The following RERE variants were observed in gnomAD, a reference collection of about 807,000 sequenced individuals.
The protein encoded by RERE is arginine-glutamic acid dipeptide repeats protein.
In RERE, 40 loss-of-function variants were observed where a neutral mutation model predicts 146.1. The ratio of observed to expected loss-of-function variants is 0.27; its 90% CI spans 0.21 to 0.36. RERE has a LOEUF of 0.36. RERE is among the 10% of genes least tolerant of loss of function. The probability of loss-of-function intolerance (pLI) is 1.00; values close to 1 mark genes in which losing one functional copy is unlikely to be tolerated. For missense variants in RERE, 1,933 were observed against 2,138.7 expected (o/e 0.90, Z 1.90); for synonymous variants, 1,003 against 866.0 (o/e 1.16, Z -2.78).
chr1:8,513,009 C>T (rs1645362647), intron 7 of RERE: 2 of 152,090 alleles, frequency 1.3e-5, no homozygotes, highest in African/African-American at 4.8e-5. Flanking sequence ...CCAAAAGACT[C>T]ACCCTCAAGC....
chr1:8,596,360 T>A (rs1047043484), intron 4 of RERE, among the ~76,000 whole-genome samples: 1 of 152,202 alleles, frequency 6.6e-6, no homozygotes, highest in African/African-American at 2.4e-5. Context: ...GACATAAGAT[T>A]TGTCTTTTAA....
chr1:8,473,411 C>T (rs1190079066), intron 10 of RERE, among the ~76,000 whole-genome samples: 1 of 152,192 alleles, frequency 6.6e-6, no homozygotes, highest in African/African-American at 2.4e-5. Context: ...CAAAGACAGG[C>T]ATGCATGAAC....
At chr1:8,512,190 C>T (rs1265870702) in intron 7 of RERE, among the ~76,000 whole-genome samples, 6 of 147,874 alleles carry the variant, frequency 4.1e-5, no homozygotes, top group Admixed American at 2.7e-4. Flanking sequence ...CCCGCCACCG[C>T]GCCCGGCTAA....
At chr1:8,536,120 A>T (rs1415839310) in intron 7 of RERE, among the ~76,000 whole-genome samples, 1 of 151,872 alleles carries the variant, frequency 6.6e-6, no homozygotes, top group East Asian at 1.9e-4. Flanking sequence ...AAAAAAAAAA[A>T]ATCAGATATT....
chr1:8,370,687 G>A (rs1241835666), intron 12 of RERE, among the ~76,000 whole-genome samples: 1 of 152,144 alleles, frequency 6.6e-6, no homozygotes, highest in Non-Finnish European at 1.5e-5. Context: ...GAACATGTCG[G>A]GGAAAGCTCT....
At chr1:8,404,875 C>T (rs538278585) in intron 12 of RERE, among the ~76,000 whole-genome samples, 1 of 152,272 alleles carries the variant, frequency 6.6e-6, no homozygotes, top group South Asian at 2.1e-4. Flanking sequence ...CTCCTCACCC[C>T]ACCCTCCTTG....
intron 1 of RERE, among the ~76,000 whole-genome samples, chr1:8,687,660 T>G (rs1405109046): frequency 6.6e-6 from 1 of 152,238 alleles, no homozygotes; most frequent in East Asian, 1.9e-4. Context: ...CCAAATAATG[T>G]GTTGAAAGAG....
In RERE at chr1:8,477,913, G is replaced by A. The variant is rs1315772520; in HGVS notation, c.1105-11890C>T. The stretch of plus-strand genomic sequence containing the variant: ...GATGCATATAAAGCTCCAGAGTTGG[G>A]AAAATATACAAGCGACTGTACTTTC... On this transcript the variant is annotated intron_variant, in intron 10 of 22. Coordinates refer to ENST00000400908, the MANE Select transcript of RERE (RefSeq NM_001042681.2). Among the ~76,000 whole-genome samples, 3 of 148,880 alleles carry A rather than the reference G, an allele frequency of 2.0e-5. No individual in the cohort carries two copies. The Admixed American group carries it at 2.0e-4, about 10-fold the overall frequency.
chr1:8,719,018 G>T (rs1639811968), intron 1 of RERE, among the ~76,000 whole-genome samples: 1 of 152,076 alleles, frequency 6.6e-6, no homozygotes, highest in Non-Finnish European at 1.5e-5. Flanking sequence ...AGTGAGGGTG[G>T]TAATTCATTA....
At chr1:8,582,921 C>T (rs1196765892) in intron 4 of RERE, among the ~76,000 whole-genome samples, 2 of 152,104 alleles carry the variant, frequency 1.3e-5, no homozygotes, top group African/African-American at 4.8e-5. Flanking sequence ...TAGGAAAAAT[C>T]CTAGAAAAAA....
At chr1:8,517,601 A>G (rs1403785675) in intron 7 of RERE, among the ~76,000 whole-genome samples, 1 of 152,258 alleles carries the variant, frequency 6.6e-6, no homozygotes, top group Non-Finnish European at 1.5e-5. Context: ...TTTGTTTTAG[A>G]ATATGAAAAA....
At chr1:8,686,119 C>CTA (rs1439472571) in intron 1 of RERE, among the ~76,000 whole-genome samples, 1 of 152,054 alleles carries the variant, frequency 6.6e-6, no homozygotes, top group East Asian at 1.9e-4. Context: ...GTAGCTGGGA[C>CTA]TACAGATGCA....
At chr1:8,421,943 G>A (rs1021862084) in intron 12 of RERE, among the ~76,000 whole-genome samples, 1 of 152,070 alleles carries the variant, frequency 6.6e-6, no homozygotes, top group Admixed American at 6.6e-5. Context: ...CTATCCCGTG[G>A]CCTAGCCAGA....
intron 1 of RERE, among the ~76,000 whole-genome samples, chr1:8,696,407 G>C (rs1237884724): frequency 2.0e-5 from 3 of 152,148 alleles, no homozygotes; most frequent in African/African-American, 7.2e-5. Flanking sequence ...GAGCTCAAGA[G>C]TTGGGAGACT....
At chr1:8,497,576 A>C in intron 8 of RERE, 47 bp from the exon 9 acceptor site, 1 of 1,604,356 alleles carries the variant, frequency 6.2e-7, no homozygotes, top group Non-Finnish European at 8.5e-7. Flanking sequence ...TGTATTAATT[A>C]TAAAGAGCTA....
intron 4 of RERE, among the ~76,000 whole-genome samples, chr1:8,614,107 A>C (rs1437923765): frequency 2.6e-5 from 4 of 152,170 alleles, no homozygotes; most frequent in Admixed American, 6.5e-5. Flanking sequence ...CACTGGAGAA[A>C]AGCCTCGCTA....
intron 12 of RERE, among the ~76,000 whole-genome samples, chr1:8,391,313 T>C (rs1480211564): frequency 6.6e-6 from 1 of 152,208 alleles, no homozygotes; most frequent in Non-Finnish European, 1.5e-5. Context: ...AATGAACCGA[T>C]GTATGTAAAG....
At chr1:8,420,930 G>C (rs1362079263) in intron 12 of RERE, among the ~76,000 whole-genome samples, 1 of 152,104 alleles carries the variant, frequency 6.6e-6, no homozygotes, top group Non-Finnish European at 1.5e-5. Context: ...AATAAGAAGG[G>C]AAAATCAAGA....
At chr1:8,402,119 G>A (rs1339340654) in intron 12 of RERE, among the ~76,000 whole-genome samples, 3 of 152,048 alleles carry the variant, frequency 2.0e-5, no homozygotes, top group South Asian at 2.1e-4. Flanking sequence ...CACCTGCCTC[G>A]ACCTCCCAAA....
Sources: gnomAD v4.1 joint callset for allele counts (sites outside exome capture counted in the v4.1 genomes callset) on GRCh38, gnomAD v4.1.1 for gene constraint, MANE v1.5 for transcripts, NCBI Gene and HGNC (gene_info 2026-07-23, HGNC 2026-07-21) for gene names.